MED14: variants seen among roughly 807,000 people sequenced by gnomAD.
MED14 encodes mediator complex subunit 14.
MED14 carries 8 observed loss-of-function variants against 109.0 expected under a neutral mutation model. That is an observed-to-expected ratio of 0.07 (90% CI 0.04 to 0.13). The LOEUF (loss-of-function observed/expected upper bound fraction) is 0.13. MED14 is among the 10% of genes least tolerant of loss of function. The pLI, the probability that MED14 is intolerant of heterozygous loss-of-function variation, is 1.00. For missense variants in MED14, 711 were observed against 1,142.4 expected (o/e 0.62, Z 5.44); for synonymous variants, 399 against 408.7 (o/e 0.98, Z 0.29).
intron 28 of MED14, 90 bp from the exon 29 acceptor site, chrX:40,655,150 TTC>T (rs1252090618): frequency 1.1e-6 from 1 of 905,501 alleles, no homozygotes; most frequent in East Asian, 3.2e-5. Context: ...AGAATTTTGT[TTC>T]ATACCCAATT....
At chrX:40,713,745 CA>C (rs1489798076) in intron 5 of MED14, 32 bp downstream of exon 5, 3 of 1,203,383 alleles carry the variant, frequency 2.5e-6, no homozygotes, top group Non-Finnish European at 3.4e-6. Flanking sequence ...ACCTGGCCAT[CA>C]ACTCTTAAAA....
At chrX:40,668,772 T>C (rs893680362) in intron 23 of MED14, among the ~76,000 whole-genome samples, 3 of 111,757 alleles carry the variant, frequency 2.7e-5, no homozygotes, top group Admixed American at 9.5e-5. Flanking sequence ...AGTAAAAAAT[T>C]AACATTAACA....
intron 15 of MED14, among the ~76,000 whole-genome samples, chrX:40,691,607 C>T (rs59203424): frequency 4.0e-4 from 24 of 59,429 alleles, no homozygotes; most frequent in African/African-American, 4.8e-4. Flanking sequence ...TTCTTTTAAT[C>T]TTTTTTTTTT....
intron 19 of MED14, 63 bp from the exon 20 acceptor site, chrX:40,680,973 A>C: frequency 3.6e-6 from 3 of 842,850 alleles, no homozygotes; most frequent in Non-Finnish European, 5.0e-6. Context: ...TAGGAGAAAA[A>C]AAAAATGTTA....
chrX:40,668,933 G>A (rs1017002289), intron 23 of MED14, among the ~76,000 whole-genome samples: 1 of 111,777 alleles, frequency 8.9e-6, no homozygotes, highest in Non-Finnish European at 1.9e-5. Context: ...GCAATAAGAG[G>A]GGGGACTGTA....
chrX:40,692,725 T>A lies in MED14; in HGVS notation c.1828A>T (p.Thr610Ser), dbSNP rs1347316326. 3.3e-6 allele frequency: 4 copies of A among 1,207,297 alleles called. No individual in the cohort carries two copies. In the African/African-American group the frequency reaches 7.0e-5, roughly 21 times the overall value. ...FRTKTGKQTR[T>S]NAKRKLSDDP... is the part of the protein sequence containing the mutation. ...AATCATACCTTGCGCTTGGCATTGG[T>A]TCTGGTCTGTTTCCCGGTTTTTGTA... Residue 610 changes from threonine (T) to serine (S), a missense_variant, in exon 14 of 31, where the codon ACC becomes TCC. By Grantham distance (58) the Thr-to-Ser change is moderately conservative. This residue lies in a region of MED14 where 388 missense variants were observed against 517.3 expected (regional missense o/e 0.75). Transcript: ENST00000324817.
chrX:40,726,914 C>T, intron 2 of MED14, 63 bp from the exon 3 acceptor site: 1 of 896,187 alleles, frequency 1.1e-6, no homozygotes, highest in Non-Finnish European at 1.6e-6. Context: ...CAATTTATTT[C>T]AGCTAAGCAA....
intron 15 of MED14, 69 bp from the exon 16 acceptor site, chrX:40,688,599 C>T (rs1278277974): frequency 5.5e-6 from 4 of 728,234 alleles, no homozygotes; most frequent in African/African-American, 2.1e-5. Context: ...CTAAGTACTA[C>T]GGTCTCTATT....
At chrX:40,703,811 T>A (rs1056161219) in intron 10 of MED14, among the ~76,000 whole-genome samples, 3 of 112,224 alleles carry the variant, frequency 2.7e-5, no homozygotes, top group South Asian at 3.6e-4. Flanking sequence ...GCAAAAAAAA[T>A]CCAAAGTTTC....
rs1235410758 is a variant in MED14, at chrX:40,650,535, G to C, written c.*1271C>G. 2.7e-6 allele frequency: 2 copies of C among 752,073 alleles called. No homozygotes were observed. Among genetic ancestry groups the C allele is most frequent in the Non-Finnish European group, 3.1e-6 (2 of 638,884 alleles). The allele number at this position is 752,073 out of a possible 1,213,427, so 62.0% of individuals were successfully genotyped here. A position where few individuals can be genotyped will look rare whatever the true frequency, so the allele number is the denominator to read the frequency against. The stretch of plus-strand genomic sequence containing the variant: ...AATTTTTCCTAAATACCATGAAGTC[G>C]GTAGAAGACCTTTGCATCAGACCAT... On this transcript the variant is annotated 3_prime_UTR_variant, in exon 31 of 31. Transcript: ENST00000324817.
At chrX:40,654,694 GACAA>G (rs756489332) in intron 29 of MED14, 138 bp from the exon 30 acceptor site, 3 of 711,565 alleles carry the variant, frequency 4.2e-6, no homozygotes, top group East Asian at 3.5e-5. Context: ...CAAGAAAAGT[GACAA>G]ACAACTGAAT....
intron 3 of MED14, among the ~76,000 whole-genome samples, chrX:40,723,394 G>A (rs895851421): frequency 2.7e-5 from 3 of 111,078 alleles, no homozygotes; most frequent in Admixed American, 9.6e-5. Flanking sequence ...GGCCGGGCGC[G>A]GTGGCTCACG....
chrX:40,667,917 AGCTTCG>A (rs1304911502), intron 23 of MED14, among the ~76,000 whole-genome samples: 64 of 111,418 alleles, frequency 5.7e-4, no homozygotes, highest in African/African-American at 2.1e-3. Flanking sequence ...TGACTCGAAG[AGCTTCG>A]GCCCAAGTAG....
intron 3 of MED14, among the ~76,000 whole-genome samples, chrX:40,719,461 A>C (rs928103479): frequency 7.1e-5 from 8 of 112,036 alleles, no homozygotes; most frequent in Admixed American, 2.8e-4. Flanking sequence ...CAATTCAGCC[A>C]TAAAAAGGAA....
In MED14 at chrX:40,663,097, G is replaced by C. The variant is rs999000153; in HGVS notation, c.3512C>G (p.Ala1171Gly). The change falls in exon 26 of 31, where the codon GCA becomes GGA. Residue 1171 changes from alanine (A) to glycine (G), a missense_variant. By Grantham distance (60) the Ala-to-Gly change is moderately conservative. This residue lies in a region of MED14 where 54 missense variants were observed against 129.6 expected (regional missense o/e 0.42). Coordinates refer to ENST00000324817, the MANE Select transcript of MED14 (RefSeq NM_004229.4). ...GTGAGTGAGGATGGTAGGTATGGAT[G>C]CCGCCCAAGAGCGCTGAGGTAGTTT... ...PRKLPQRSWA[A>G]SIPTILTHSA... 3 of 1,211,898 alleles carry C rather than the reference G, an allele frequency of 2.5e-6. No homozygotes were observed. The highest frequency in any genetic ancestry group is 3.4e-6 in the Non-Finnish European group (3 of 895,429).
intron 11 of MED14, among the ~76,000 whole-genome samples, chrX:40,702,023 C>G (rs1473517606): frequency 9.0e-6 from 1 of 111,511 alleles, no homozygotes; most frequent in East Asian, 2.8e-4. Flanking sequence ...AAGTCGCTCT[C>G]TCAGCCATGT....
In MED14 at chrX:40,659,273, G is replaced by C; in HGVS notation, c.3926C>G (p.Pro1309Arg). Residue 1309 changes from proline to arginine, a missense_variant, in exon 28 of 31, where the codon CCT becomes CGT. Around this residue, in one of 8 missense-constraint regions of MED14, gnomAD observed 54 missense variants for 129.6 expected, o/e 0.42. Transcript: ENST00000324817. ...CACACAATCCCTGAGGATGTGTGTA[G>C]GAGCTCCTAATAGCTTGGTGAAGGC... ...LIAFTKLLGA[P>R]THILRDCVHI... is the part of the protein sequence containing the mutation. 8.6e-7 allele frequency: 1 copy of C among 1,165,757 alleles called. No individual in the cohort carries two copies. The highest frequency in any genetic ancestry group is 1.1e-6 in the Non-Finnish European group (1 of 871,321).
In MED14 at chrX:40,696,133, A is replaced by AT. The variant is rs751400480; in HGVS notation, c.1650+890dup. Among the ~76,000 whole-genome samples the AT allele has an allele frequency of 4.5e-3, 416 of 93,064 alleles. 2 individuals are homozygous for AT. Among genetic ancestry groups the AT allele is most frequent in the South Asian group, 0.012 (24 of 2,021 alleles). 80.8% of individuals were successfully genotyped at this position (93,064 alleles called of 115,157 possible). A position where few individuals can be genotyped will look rare whatever the true frequency, so the allele number is the denominator to read the frequency against. Reference sequence around the variant, plus strand: ...ACATATCTACTTGGTATATACAGAGATTTTTTTTTTTTTTTTTTTGAGATG... The same window carrying AT: ...ACATATCTACTTGGTATATACAGAGATTTTTTTTTTTTTTTTTTTTGAGATG... On this transcript the variant is annotated intron_variant, in intron 13 of 30. Transcript: ENST00000324817.
intron 13 of MED14, among the ~76,000 whole-genome samples, chrX:40,693,349 C>A (rs761502784): frequency 4.2e-4 from 47 of 111,271 alleles, no homozygotes; most frequent in Non-Finnish European, 6.2e-4. Flanking sequence ...ATCATGGGGG[C>A]GGGTCTTTCC....
Sources: allele counts gnomAD v4.1 joint callset (sites outside exome capture counted in the v4.1 genomes callset), GRCh38; gene constraint gnomAD v4.1.1; regional missense constraint gnomAD v4.1.1; transcripts MANE v1.5; gene names NCBI Gene and HGNC (gene_info 2026-07-23, HGNC 2026-07-21).